PAN3: variants seen among roughly 807,000 people sequenced by gnomAD.
PAN3 encodes the protein PAN2-PAN3 deadenylation complex subunit PAN3.
PAN3 carries 19 observed loss-of-function variants against 96.2 expected under a neutral mutation model. The observed-to-expected ratio is 0.20, with a 90% CI of 0.14 to 0.29. The LOEUF is 0.29. PAN3 is among the 10% of genes least tolerant of loss of function. The pLI is 1.00. For synonymous variants in PAN3, 433 were observed against 406.6 expected, an observed-to-expected ratio of 1.06 and a Z score of -0.78; for missense variants, 882 against 1,108.1, an observed-to-expected ratio of 0.80 and a Z score of 2.90.
chr13:28,239,181 ACACACACGCATGCACACACG>A (rs1883393522), intron 6 of PAN3, among the ~76,000 whole-genome samples: 2 of 101,580 alleles, frequency 2.0e-5, no homozygotes, highest in Admixed American at 2.6e-4. Context: ...ACACACACAC[ACACACACGCATGCACACACG>A]CACACACACA....
intron 4 of PAN3, among the ~76,000 whole-genome samples, chr13:28,181,027 GT>G (rs1019903045): frequency 6.6e-6 from 1 of 152,150 alleles, no homozygotes; most frequent in Non-Finnish European, 1.5e-5. Context: ...TTTGAATTGG[GT>G]TTTTTGTGGA....
chr13:28,256,062 A>T (rs1885112552), intron 6 of PAN3, among the ~76,000 whole-genome samples: 1 of 152,188 alleles, frequency 6.6e-6, no homozygotes, highest in African/African-American at 2.4e-5. Context: ...TTCTTGCAGT[A>T]AATCTGCTAA....
At chr13:28,243,152 A>G (rs754982558) in intron 6 of PAN3, among the ~76,000 whole-genome samples, 13 of 152,234 alleles carry the variant, frequency 8.5e-5, no homozygotes, top group Non-Finnish European at 1.3e-4. Context: ...CTTTAGTACA[A>G]TGTTATAGAG....
At chr13:28,145,010 G>T (rs1224618210) in intron 1 of PAN3, among the ~76,000 whole-genome samples, 2 of 152,048 alleles carry the variant, frequency 1.3e-5, no homozygotes, top group South Asian at 2.1e-4. Context: ...GAGCCACCGC[G>T]CCTGGCCCAA....
chr13:28,228,605 A>G (rs1194335242), intron 6 of PAN3, among the ~76,000 whole-genome samples: 1 of 152,188 alleles, frequency 6.6e-6, no homozygotes, highest in Non-Finnish European at 1.5e-5. Flanking sequence ...TGGTATCCCT[A>G]TACATAGTAA....
At chr13:28,143,245 T>C (rs1157180868) in intron 1 of PAN3, among the ~76,000 whole-genome samples, 1 of 152,106 alleles carries the variant, frequency 6.6e-6, no homozygotes, top group Non-Finnish European at 1.5e-5. Context: ...TGCCGTACCA[T>C]GTAGCTTACG....
intron 7 of PAN3, among the ~76,000 whole-genome samples, chr13:28,257,747 A>AAT (rs1566235137): frequency 2.9e-4 from 33 of 114,296 alleles, no homozygotes; most frequent in African/African-American, 1.0e-3. Flanking sequence ...AATTATATAT[A>AAT]ATATATAATT....
chr13:28,228,267 G>A (rs979930825), intron 6 of PAN3, among the ~76,000 whole-genome samples: 1 of 152,070 alleles, frequency 6.6e-6, no homozygotes, highest in Non-Finnish European at 1.5e-5. Context: ...TTCTCAGCTT[G>A]ACCATGAAAT....
chr13:28,151,878 G>T (rs1019826879), intron 1 of PAN3, among the ~76,000 whole-genome samples: 1 of 152,132 alleles, frequency 6.6e-6, no homozygotes, highest in Non-Finnish European at 1.5e-5. Flanking sequence ...AGATTTTGAG[G>T]AGTTAGGTAG....
intron 6 of PAN3, among the ~76,000 whole-genome samples, chr13:28,224,078 A>T (rs983660056): frequency 2.0e-5 from 3 of 151,280 alleles, no homozygotes; most frequent in Admixed American, 2.0e-4. Context: ...TCACCATGTT[A>T]GCCAGGATGG....
At chr13:28,288,957 G>A (rs1225317627) in intron 18 of PAN3, among the ~76,000 whole-genome samples, 1 of 150,142 alleles carries the variant, frequency 6.7e-6, no homozygotes, top group Admixed American at 6.7e-5. Context: ...CTCCCAAGTA[G>A]CTGGGACTAC....
intron 5 of PAN3, among the ~76,000 whole-genome samples, chr13:28,219,451 T>G (rs1225151680): frequency 6.6e-6 from 1 of 152,204 alleles, no homozygotes; most frequent in Non-Finnish European, 1.5e-5. Flanking sequence ...ATAGGGAAGT[T>G]GTTCTTTCTG....
intron 10 of PAN3, 29 bp from the exon 11 acceptor site, chr13:28,267,066 T>C (rs1489321667): frequency 6.4e-7 from 1 of 1,556,962 alleles, no homozygotes; most frequent in East Asian, 2.3e-5. Flanking sequence ...TCAATTAGAG[T>C]TTACTGGAGT....
intron 18 of PAN3, among the ~76,000 whole-genome samples, chr13:28,291,571 T>G (rs1198862174): frequency 6.6e-6 from 1 of 152,348 alleles, no homozygotes; most frequent in Admixed American, 6.5e-5. Flanking sequence ...GGCTCACACC[T>G]GTAATCCCAG....
intron 5 of PAN3, among the ~76,000 whole-genome samples, chr13:28,204,732 G>T (rs528485185): frequency 6.6e-6 from 1 of 152,116 alleles, no homozygotes; most frequent in Non-Finnish European, 1.5e-5. Context: ...GTATGATTTT[G>T]TAAATTTCTC....
intron 1 of PAN3, among the ~76,000 whole-genome samples, chr13:28,156,888 G>A (rs1180742725): frequency 6.7e-6 from 1 of 148,610 alleles, no homozygotes; most frequent in African/African-American, 2.5e-5. Context: ...CCAGCTACTT[G>A]AGAAGCTGAG....
intron 10 of PAN3, 23 bp downstream of exon 10, chr13:28,266,899 T>G (rs779753749): frequency 6.6e-7 from 1 of 1,524,678 alleles, no homozygotes; most frequent in Non-Finnish European, 8.8e-7. Context: ...AGTTATCTTC[T>G]TTTATAATCG....
At chr13:28,192,177 C>G in intron 4 of PAN3, among the ~76,000 whole-genome samples, 1 of 151,664 alleles carries the variant, frequency 6.6e-6, no homozygotes, top group East Asian at 1.9e-4. Context: ...TCAAGAGATT[C>G]TCCTGCCTCA....
intron 17 of PAN3, among the ~76,000 whole-genome samples, chr13:28,283,716 A>C (rs565937409): frequency 6.6e-6 from 1 of 152,218 alleles, no homozygotes; most frequent in Non-Finnish European, 1.5e-5. Flanking sequence ...TAACAACCCT[A>C]TGATGGAGTT....
Sources: allele counts gnomAD v4.1 joint callset (sites outside exome capture counted in the v4.1 genomes callset), GRCh38; gene constraint gnomAD v4.1.1; transcripts MANE v1.5; gene names NCBI Gene and HGNC (gene_info 2026-07-23, HGNC 2026-07-21).